The following PCNX2 variants were observed in gnomAD, a reference collection of about 807,000 sequenced individuals.
PCNX2 encodes pecanex 2.
A neutral mutation model predicts 223.8 loss-of-function variants in PCNX2; 168 were observed. The observed-to-expected ratio is 0.75, with a 90% CI of 0.66 to 0.85. PCNX2 has a LOEUF of 0.85. PCNX2 is among the 40% of genes least tolerant of loss of function. The pLI, the probability that PCNX2 is intolerant of heterozygous loss-of-function variation, is 0.00. For missense variants in PCNX2, 2,507 were observed against 2,675.5 expected, an observed-to-expected ratio of 0.94 and a Z score of 1.39; for synonymous variants, 1,006 against 1,052.6, an observed-to-expected ratio of 0.96 and a Z score of 0.86.
intron 25 of PCNX2, among the ~76,000 whole-genome samples, chr1:233,045,330 T>C (rs1289444269): frequency 6.6e-6 from 1 of 152,218 alleles, no homozygotes; most frequent in Non-Finnish European, 1.5e-5. Context: ...AGCTTGGTAT[T>C]GAAGTCCAAG....
At chr1:233,308,829 TA>T in the PCNX2 span, among the ~76,000 whole-genome samples, 7 of 152,282 alleles carry the variant, frequency 4.6e-5, no homozygotes, top group South Asian at 1.5e-3. Flanking sequence ...TAGTGAAAGA[TA>T]TTTTTTAAAG....
chr1:233,098,513 T>C (rs1420083205), intron 21 of PCNX2, among the ~76,000 whole-genome samples: 1 of 152,136 alleles, frequency 6.6e-6, no homozygotes, highest in Non-Finnish European at 1.5e-5. Flanking sequence ...TCTCTATGCC[T>C]TCTTTTTTTT....
chr1:233,129,650 C>T (rs907346104), intron 21 of PCNX2, among the ~76,000 whole-genome samples: 13 of 152,302 alleles, frequency 8.5e-5, no homozygotes, highest in African/African-American at 3.1e-4. Flanking sequence ...CAATCAGCAC[C>T]CTGTGTCTAG....
At chr1:233,119,213 A>G (rs1448503953) in intron 21 of PCNX2, among the ~76,000 whole-genome samples, 1 of 151,898 alleles carries the variant, frequency 6.6e-6, no homozygotes, top group Non-Finnish European at 1.5e-5. Flanking sequence ...CGTAATTCAT[A>G]TTAGCTCAAT....
chr1:233,294,952 G>A (rs745341213), intron 1 of PCNX2, among the ~76,000 whole-genome samples: 22 of 152,016 alleles, frequency 1.4e-4, no homozygotes, highest in Non-Finnish European at 3.1e-4. Context: ...TTTTCCTCTT[G>A]GCTACAATCT....
At chr1:232,988,896 C>A (rs911120647) in intron 32 of PCNX2, among the ~76,000 whole-genome samples, 1 of 152,200 alleles carries the variant, frequency 6.6e-6, no homozygotes, top group Admixed American at 6.5e-5. Flanking sequence ...CAGCTGGGTG[C>A]AAAGTGCTGT....
intron 23 of PCNX2, among the ~76,000 whole-genome samples, chr1:233,066,593 G>T (rs1474941732): frequency 6.6e-6 from 1 of 152,156 alleles, no homozygotes; most frequent in African/African-American, 2.4e-5. Context: ...GCCTGGCTGT[G>T]CACTGTGGTC....
intron 28 of PCNX2, among the ~76,000 whole-genome samples, chr1:233,012,638 A>C (rs776743679): frequency 5.3e-5 from 8 of 152,202 alleles, no homozygotes; most frequent in Non-Finnish European, 1.0e-4. Context: ...AATTCCATCA[A>C]AACAAAGTTT....
chr1:233,040,710 T>G (rs6424270), intron 25 of PCNX2, among the ~76,000 whole-genome samples: 1 of 151,900 alleles, frequency 6.6e-6, no homozygotes, highest in Non-Finnish European at 1.5e-5. Flanking sequence ...GCCGTCACTC[T>G]TGGGGATGTC....
At chr1:233,097,861 A>T (rs60694383) in intron 21 of PCNX2, among the ~76,000 whole-genome samples, 22,220 of 152,148 alleles carry the variant, frequency 0.15, 1,693 homozygotes, top group Middle Eastern at 0.17. Context: ...CTCCACCATT[A>T]ACCCAACTAG....
intron 33 of PCNX2, 136 bp downstream of exon 33, chr1:232,985,956 A>C (rs1233801720): frequency 4.2e-6 from 4 of 959,766 alleles, no homozygotes; most frequent in Middle Eastern, 2.1e-4. Flanking sequence ...GTCCTTTGTC[A>C]CTCTGGGAGC....
chr1:233,023,192 A>C (rs1158695945), intron 26 of PCNX2, among the ~76,000 whole-genome samples: 2 of 152,122 alleles, frequency 1.3e-5, no homozygotes, highest in African/African-American at 2.4e-5. Context: ...CTGAAAACTA[A>C]AGGAAATACT....
chr1:233,140,386 G>A (rs1677036533), intron 19 of PCNX2, among the ~76,000 whole-genome samples: 1 of 152,188 alleles, frequency 6.6e-6, no homozygotes, highest in Admixed American at 6.5e-5. Flanking sequence ...CTTCTTCTGA[G>A]TGCTTACAAC....
At chr1:233,301,044 G>A in the PCNX2 span, among the ~76,000 whole-genome samples, 1 of 152,162 alleles carries the variant, frequency 6.6e-6, no homozygotes, top group Admixed American at 6.5e-5. Flanking sequence ...TGCTAGAGAA[G>A]TGAAAGAGAG....
At chr1:233,249,254 G>A (rs919037154) in intron 8 of PCNX2, among the ~76,000 whole-genome samples, 7 of 152,100 alleles carry the variant, frequency 4.6e-5, no homozygotes, top group African/African-American at 1.7e-4. Context: ...TATCCTGGGG[G>A]GAAAAAATTA....
chr1:233,039,543 C>T (rs1366385164), intron 25 of PCNX2, among the ~76,000 whole-genome samples: 2 of 152,196 alleles, frequency 1.3e-5, no homozygotes, highest in African/African-American at 4.8e-5. Context: ...TCTAATCCAA[C>T]CAATATTTAC....
intron 23 of PCNX2, among the ~76,000 whole-genome samples, chr1:233,077,748 T>A (rs1673160879): frequency 6.6e-6 from 1 of 152,168 alleles, no homozygotes; most frequent in Non-Finnish European, 1.5e-5. Flanking sequence ...TAAATTGCCC[T>A]TATTTTTACT....
intron 25 of PCNX2, among the ~76,000 whole-genome samples, chr1:233,028,323 T>C (rs1671154079): frequency 6.6e-6 from 1 of 152,262 alleles, no homozygotes; most frequent in Non-Finnish European, 1.5e-5. Flanking sequence ...TTATTGAAGC[T>C]ATAGTGTTAA....
Position 233,281,372 on chromosome 1 carries a change from G to A in PCNX2, c.153+13954C>T, listed in dbSNP as rs1661185661. On this transcript the variant is annotated intron_variant, in intron 1 of 33. Transcript: ENST00000258229. Reference sequence around the variant, plus strand: ...ATTTCTTCTGAGATGGTAAAGATCTGGGGAAAGAACTGAAACACACAGTAA... The same window carrying A: ...ATTTCTTCTGAGATGGTAAAGATCTAGGGAAAGAACTGAAACACACAGTAA... Among the ~76,000 whole-genome samples the A allele has an allele frequency of 2.0e-5, 3 of 152,132 alleles. No individual in the cohort carries two copies. In the South Asian group the frequency reaches 6.2e-4, roughly 32 times the overall value.
Sources: allele counts gnomAD v4.1 joint callset (sites outside exome capture counted in the v4.1 genomes callset), GRCh38; gene constraint gnomAD v4.1.1; transcripts MANE v1.5; gene names NCBI Gene and HGNC (gene_info 2026-07-23, HGNC 2026-07-21).